Variants in NOS1 observed in about 807,000 individuals in gnomAD.
The protein encoded by NOS1 is nitric oxide synthase 1.
Under a neutral mutation model 164.5 loss-of-function variants are expected in NOS1, and 51 were observed. The observed-to-expected ratio is 0.31, with a 90% CI of 0.25 to 0.39. NOS1 has a LOEUF of 0.39. Among genes scored for constraint, NOS1 ranks in the 10% least tolerant of loss-of-function variants. The pLI is 1.00. For missense variants in NOS1, 1,362 were observed against 1,885.6 expected (o/e 0.72, Z 5.14); for synonymous variants, 719 against 745.8 (o/e 0.96, Z 0.59).
At chr12:117,339,534 GC>G (rs1448891612) in intron 1 of NOS1, among the ~76,000 whole-genome samples, 18 of 152,286 alleles carry the variant, frequency 1.2e-4, no homozygotes, top group African/African-American at 4.3e-4. Flanking sequence ...ACTTTCTCCT[GC>G]AGGTAACCTG....
intron 17 of NOS1, among the ~76,000 whole-genome samples, chr12:117,248,905 G>A (rs994094997): frequency 6.6e-5 from 10 of 152,108 alleles, no homozygotes; most frequent in African/African-American, 1.9e-4. Context: ...GGTGTGAGAC[G>A]GTATCTCATT....
At chr12:117,292,669 C>T (rs76862186) in intron 3 of NOS1, among the ~76,000 whole-genome samples, 1,863 of 152,262 alleles carry the variant, frequency 0.012, 42 homozygotes, top group African/African-American at 0.043. Flanking sequence ...GAAAGGAGTC[C>T]AATCCAGGCA....
intron 18 of NOS1, 30 bp downstream of exon 18, chr12:117,247,318 T>G: frequency 6.4e-7 from 1 of 1,550,430 alleles, no homozygotes; most frequent in Non-Finnish European, 8.7e-7. Context: ...AGCATTACTT[T>G]TTCCTGTAGG....
chr12:117,291,750 G>T (rs1873081810), intron 3 of NOS1, among the ~76,000 whole-genome samples: 3 of 151,870 alleles, frequency 2.0e-5, no homozygotes, highest in Admixed American at 2.0e-4. Flanking sequence ...TGCCCAGGTT[G>T]GTCTTGAACT....
chr12:117,235,132 G>C (rs1296837203), intron 20 of NOS1, among the ~76,000 whole-genome samples: 1 of 152,030 alleles, frequency 6.6e-6, no homozygotes, highest in Non-Finnish European at 1.5e-5. Flanking sequence ...GGCCCAGGCT[G>C]GTCTCAAACT....
In NOS1 at chr12:117,209,597, G is replaced by C. The variant is rs1318194634; in HGVS notation, c.*5712C>G. 1 of 985,340 alleles carries C rather than the reference G, an allele frequency of 1.0e-6. No individual in the cohort carries two copies. The highest frequency in any genetic ancestry group is 1.7e-5 in the African/African-American group (1 of 57,246). 61.0% of individuals were successfully genotyped at this position (985,340 alleles called of 1,614,324 possible). A position where few individuals can be genotyped will look rare whatever the true frequency, so the allele number is the denominator to read the frequency against. ...AGCCCCGCTTGACCAGAACTGTTTG[G>C]GTATTTTAGAACAAAACAAACTCAT... On this transcript the variant is annotated 3_prime_UTR_variant, in exon 29 of 29. Transcript: ENST00000317775.
chr12:117,314,569 G>A (rs1874587985), intron 2 of NOS1, among the ~76,000 whole-genome samples: 1 of 152,170 alleles, frequency 6.6e-6, no homozygotes, highest in African/African-American at 2.4e-5. Flanking sequence ...GTACAGCTGG[G>A]ATTTGAAACT....
At chr12:117,361,451 G>A (rs1877152030) in intron 1 of NOS1, 61 bp downstream of exon 1, 1 of 150,238 alleles carries the variant, frequency 6.7e-6, no homozygotes, top group East Asian at 2.0e-4. Context: ...CCAAGTTCGG[G>A]ACGGAGGCTG....
intron 17 of NOS1, among the ~76,000 whole-genome samples, chr12:117,252,837 C>T: frequency 6.6e-6 from 1 of 152,194 alleles, no homozygotes; most frequent in East Asian, 1.9e-4. Context: ...ACGGAGAAGG[C>T]TCAGTTAGCG....
intron 10 of NOS1, among the ~76,000 whole-genome samples, chr12:117,270,079 C>CA (rs1217354828): frequency 6.6e-6 from 1 of 152,036 alleles, no homozygotes; most frequent in Non-Finnish European, 1.5e-5. Flanking sequence ...AAATTACTTG[C>CA]AAAAAAAGAA....
At chr12:117,221,480 C>T (rs1956704557) in intron 26 of NOS1, among the ~76,000 whole-genome samples, 1 of 151,180 alleles carries the variant, frequency 6.6e-6, no homozygotes, top group Admixed American at 6.6e-5. Context: ...GATGGGCTTT[C>T]ACCATGTTGG....
intron 14 of NOS1, among the ~76,000 whole-genome samples, chr12:117,259,978 A>G (rs766505093): frequency 4.3e-4 from 66 of 152,108 alleles, no homozygotes; most frequent in Middle Eastern, 6.8e-3. Context: ...AATTAGCCGA[A>G]CGTGGTGGTG....
Position 117,212,791 on chromosome 12 carries a change from T to C in NOS1, c.*2518A>G, listed in dbSNP as rs1030308518. 4.1e-6 allele frequency: 4 copies of C among 985,328 alleles called. No individual in the cohort carries two copies. Among genetic ancestry groups the C allele is most frequent in the Admixed American group, 1.2e-4 (2 of 16,258 alleles). 61.0% of individuals were successfully genotyped at this position (985,328 alleles called of 1,614,324 possible). On this transcript the variant is annotated 3_prime_UTR_variant, in exon 29 of 29. Coordinates refer to ENST00000317775, the MANE Select transcript of NOS1 (RefSeq NM_000620.5). ...CGAGAGGGCAGTATTTCCCCACCCT[T>C]GATCTGAGCCTAACAATCTGGACTC...
rs1293064320 is a variant in NOS1, at chr12:117,214,094, C to T, written c.*1215G>A. 4 of 985,306 alleles carry T rather than the reference C, an allele frequency of 4.1e-6. No individual in the cohort carries two copies. Among genetic ancestry groups the T allele is most frequent in the Non-Finnish European group, 4.8e-6 (4 of 829,950 alleles). 61.0% of individuals were successfully genotyped at this position (985,306 alleles called of 1,614,324 possible). On this transcript the variant is annotated 3_prime_UTR_variant, in exon 29 of 29. Coordinates refer to ENST00000317775, the MANE Select transcript of NOS1 (RefSeq NM_000620.5). ...AAGTTGTGGCTCCTATCGAAGAAGC[C>T]ACGTGGGACCTCATTATGGCAACTC...
At chr12:117,331,587 C>T in intron 1 of NOS1, 98 bp from the exon 2 acceptor site, 1 of 153,356 alleles carries the variant, frequency 6.5e-6, no homozygotes. Context: ...GAAAATGCAG[C>T]CAATTGACAA....
At chr12:117,327,750 G>A (rs2136071829) in intron 2 of NOS1, among the ~76,000 whole-genome samples, 1 of 152,288 alleles carries the variant, frequency 6.6e-6, no homozygotes, top group East Asian at 1.9e-4. Flanking sequence ...GACCAAAGGT[G>A]CAGGGAGGAC....
chr12:117,255,016 T>C (rs1052679154), intron 16 of NOS1, among the ~76,000 whole-genome samples: 2 of 152,188 alleles, frequency 1.3e-5, no homozygotes, highest in African/African-American at 4.8e-5. Context: ...GACGAGTTAA[T>C]GGGTGCAGCA....
intron 1 of NOS1, among the ~76,000 whole-genome samples, chr12:117,346,487 A>C (rs1322106660): frequency 6.6e-6 from 1 of 152,112 alleles, no homozygotes; most frequent in African/African-American, 2.4e-5. Context: ...CAAAAACAAA[A>C]ACAAAACTTG....
chr12:117,251,073 T>C (rs1476921181), intron 17 of NOS1, among the ~76,000 whole-genome samples: 2 of 152,104 alleles, frequency 1.3e-5, no homozygotes, highest in Non-Finnish European at 2.9e-5. Context: ...GTCATGAAGG[T>C]GAAGCCTCAT....
Sources: gnomAD v4.1 joint callset for allele counts (sites outside exome capture counted in the v4.1 genomes callset) on GRCh38, gnomAD v4.1.1 for gene constraint, MANE v1.5 for transcripts, NCBI Gene and HGNC (gene_info 2026-07-23, HGNC 2026-07-21) for gene names.